PPP1R9A: variants seen among roughly 807,000 people sequenced by gnomAD.
The protein encoded by PPP1R9A is neurabin-1.
In PPP1R9A, 59 loss-of-function variants were observed where a neutral mutation model predicts 141.9. The ratio of observed to expected loss-of-function variants is 0.42; its 90% CI spans 0.34 to 0.52. The LOEUF (loss-of-function observed/expected upper bound fraction) is 0.52. Among genes scored for constraint, PPP1R9A ranks in the 20% least tolerant of loss-of-function variants. The pLI is 0.10. For synonymous variants in PPP1R9A, 500 were observed against 569.7 expected, an observed-to-expected ratio of 0.88 and a Z score of 1.74; for missense variants, 1,444 against 1,611.9, an observed-to-expected ratio of 0.90 and a Z score of 1.78.
chr7:94,911,770 C>T (rs955596907), intron 2 of PPP1R9A, among the ~76,000 whole-genome samples: 3 of 152,140 alleles, frequency 2.0e-5, no homozygotes, highest in Admixed American at 6.5e-5. Context: ...TTGTGAGATA[C>T]GTTCCAATGA....
chr7:94,908,918 G>A (rs1791134321), intron 1 of PPP1R9A, among the ~76,000 whole-genome samples: 1 of 152,186 alleles, frequency 6.6e-6, no homozygotes, highest in Non-Finnish European at 1.5e-5. Context: ...TCAGCTGATT[G>A]TGCGTGAGGG....
intron 2 of PPP1R9A, among the ~76,000 whole-genome samples, chr7:94,986,512 T>C (rs1051913639): frequency 1.3e-5 from 2 of 152,138 alleles, no homozygotes; most frequent in African/African-American, 4.8e-5. Flanking sequence ...GATACAAAAT[T>C]ATAGCTAGAA....
At chr7:95,050,446 G>C (rs938430985) in intron 2 of PPP1R9A, among the ~76,000 whole-genome samples, 2 of 152,124 alleles carry the variant, frequency 1.3e-5, no homozygotes, top group Non-Finnish European at 2.9e-5. Flanking sequence ...ATAAACAAGA[G>C]GCTGGGCTTG....
chr7:95,275,382 C>A (rs1008379513), intron 16 of PPP1R9A, among the ~76,000 whole-genome samples: 3 of 135,870 alleles, frequency 2.2e-5, no homozygotes, highest in Non-Finnish European at 4.6e-5. Flanking sequence ...CACTCCTGGG[C>A]GATAGAGCGA....
chr7:95,098,387 T>G (rs954296171), intron 2 of PPP1R9A: 2 of 127,654 alleles, frequency 1.6e-5, no homozygotes, highest in Non-Finnish European at 3.3e-5. Flanking sequence ...AATAAATAAA[T>G]AAAAAATAAA....
intron 2 of PPP1R9A, among the ~76,000 whole-genome samples, chr7:94,933,180 A>G (rs1002837894): frequency 1.3e-5 from 2 of 152,166 alleles, no homozygotes; most frequent in Non-Finnish European, 2.9e-5. Context: ...TACAAAGCTG[A>G]AAGAAATTCT....
chr7:95,201,220 G>T (rs1431320410), intron 6 of PPP1R9A, among the ~76,000 whole-genome samples: 1 of 145,124 alleles, frequency 6.9e-6, no homozygotes, highest in African/African-American at 2.8e-5. Flanking sequence ...AATTAGTTTA[G>T]CTTTAAGTTA....
intron 2 of PPP1R9A, among the ~76,000 whole-genome samples, chr7:95,070,972 A>AT (rs766702658): frequency 6.6e-6 from 1 of 152,008 alleles, no homozygotes; most frequent in East Asian, 1.9e-4. Flanking sequence ...ATTGAGGAAT[A>AT]TTTTTTGTGA....
At chr7:95,191,031 A>G (rs1000742346) in intron 5 of PPP1R9A, among the ~76,000 whole-genome samples, 87 of 152,206 alleles carry the variant, frequency 5.7e-4, no homozygotes, top group African/African-American at 2.1e-3. Context: ...ATAAATTATC[A>G]TTTTTATAAC....
At chr7:95,173,059 A>G (rs1313759168) in intron 5 of PPP1R9A, among the ~76,000 whole-genome samples, 1 of 151,984 alleles carries the variant, frequency 6.6e-6, no homozygotes, top group Non-Finnish European at 1.5e-5. Context: ...CACAGTATAT[A>G]TAAAAATTAA....
intron 2 of PPP1R9A, among the ~76,000 whole-genome samples, chr7:95,096,409 T>G (rs775288085): frequency 3.9e-5 from 6 of 152,136 alleles, no homozygotes; most frequent in Non-Finnish European, 7.4e-5. Context: ...ATTCTTGCCT[T>G]CCTTCTTCTG....
At chr7:95,240,477 CT>C (rs1224608374) in intron 8 of PPP1R9A, among the ~76,000 whole-genome samples, 3 of 150,410 alleles carry the variant, frequency 2.0e-5, no homozygotes, top group African/African-American at 7.3e-5. Context: ...TTTATTTTGT[CT>C]TTTTTTCGTG....
intron 3 of PPP1R9A, among the ~76,000 whole-genome samples, chr7:95,117,042 G>A (rs145099653): frequency 6.6e-6 from 1 of 152,292 alleles, no homozygotes; most frequent in Non-Finnish European, 1.5e-5. Flanking sequence ...TAAAGATGTT[G>A]TAAAGAAAAT....
chr7:95,070,118 T>C (rs1813553792), intron 2 of PPP1R9A, among the ~76,000 whole-genome samples: 1 of 152,170 alleles, frequency 6.6e-6, no homozygotes, highest in Non-Finnish European at 1.5e-5. Flanking sequence ...AATCTGTGCA[T>C]ATCACAGGTT....
intron 4 of PPP1R9A, among the ~76,000 whole-genome samples, chr7:95,125,484 C>T (rs1406371110): frequency 6.6e-6 from 1 of 152,046 alleles, no homozygotes; most frequent in African/African-American, 2.4e-5. Context: ...TTTGGGATTG[C>T]ACAGAGGACA....
chr7:95,223,356 G>A (rs1404119384), intron 7 of PPP1R9A, among the ~76,000 whole-genome samples: 2 of 151,960 alleles, frequency 1.3e-5, no homozygotes, highest in Non-Finnish European at 2.9e-5. Flanking sequence ...TAAAAGGTAA[G>A]AATTGCATAT....
At chr7:94,920,335 A>G (rs926255443) in intron 2 of PPP1R9A, among the ~76,000 whole-genome samples, 1 of 151,758 alleles carries the variant, frequency 6.6e-6, no homozygotes, top group African/African-American at 2.4e-5. Flanking sequence ...ATAGCTTCAT[A>G]GCACAGTTCA....
chr7:94,974,029 A>G (rs997356203), intron 2 of PPP1R9A, among the ~76,000 whole-genome samples: 1 of 152,048 alleles, frequency 6.6e-6, no homozygotes, highest in African/African-American at 2.4e-5. Flanking sequence ...AGAAATTTTA[A>G]TTTGAGGAAA....
intron 2 of PPP1R9A, among the ~76,000 whole-genome samples, chr7:95,083,940 A>T (rs1160836319): frequency 1.3e-5 from 2 of 152,056 alleles, no homozygotes; most frequent in African/African-American, 4.8e-5. Flanking sequence ...ATCAGTGAAT[A>T]TGAGAAATTT....
Sources: gnomAD v4.1 joint callset for allele counts (sites outside exome capture counted in the v4.1 genomes callset) on GRCh38, gnomAD v4.1.1 for gene constraint, MANE v1.5 for transcripts, NCBI Gene and HGNC (gene_info 2026-07-23, HGNC 2026-07-21) for gene names.